Variants in DNAAF9 observed in about 807,000 individuals in gnomAD.
DNAAF9 encodes the protein dynein axonemal assembly factor 9, also known as shulin.
A neutral mutation model predicts 167.0 loss-of-function variants in DNAAF9; 90 were observed. That is an observed-to-expected ratio of 0.54 (90% CI 0.45 to 0.64). DNAAF9 has a LOEUF of 0.64. Among genes scored for constraint, DNAAF9 ranks in the 30% least tolerant of loss-of-function variants. DNAAF9 has a pLI of 0.00. For synonymous variants in DNAAF9, 491 were observed against 508.8 expected (o/e 0.96, Z 0.47); for missense variants, 1,315 against 1,442.2 (o/e 0.91, Z 1.43).
intron 27 of DNAAF9, 93 bp downstream of exon 27, chr20:3,287,539 G>C: frequency 8.2e-7 from 1 of 1,218,880 alleles, no homozygotes; most frequent in South Asian, 1.3e-5. Context: ...TGTAGAGTCT[G>C]TTCTGTGCTC....
chr20:3,270,865 T>G (rs930778546), intron 29 of DNAAF9, among the ~76,000 whole-genome samples: 1 of 150,310 alleles, frequency 6.7e-6, no homozygotes, highest in African/African-American at 2.5e-5. Flanking sequence ...CAGGCTGGAG[T>G]GCAGTGGTGC....
rs1415865793 is a variant in DNAAF9 at position 3,361,809 on chromosome 20, T to C, written c.613-2216A>G. 1.3e-5 allele frequency: 17 copies of C among 1,330,234 alleles called. No homozygotes were observed. The East Asian group carries it at 2.5e-4, about 20-fold the overall frequency. 82.4% of individuals were successfully genotyped at this position (1,330,234 alleles called of 1,614,324 possible). A position where few individuals can be genotyped will look rare whatever the true frequency, so the allele number is the denominator to read the frequency against. On this transcript the variant is annotated intron_variant, in intron 6 of 36. Transcript: ENST00000252032. ...TACAAGACATATCTAGAAAATTTAC[T>C]ACTGAAAAATGAAGACTGCTTAAAT...
At chr20:3,325,034 G>C in intron 13 of DNAAF9, 66 bp from the exon 14 acceptor site, 2 of 882,566 alleles carry the variant, frequency 2.3e-6, no homozygotes, top group South Asian at 1.3e-5. Flanking sequence ...ATCACTGATG[G>C]AAGGGCCCTC....
chr20:3,291,244 G>A (rs553275323), intron 25 of DNAAF9, among the ~76,000 whole-genome samples: 5 of 152,022 alleles, frequency 3.3e-5, no homozygotes, highest in African/African-American at 9.6e-5. Flanking sequence ...TAAATTCACT[G>A]AAAAAGGAGG....
intron 8 of DNAAF9, among the ~76,000 whole-genome samples, chr20:3,346,347 G>A (rs1600828765): frequency 6.6e-6 from 1 of 152,064 alleles, no homozygotes; most frequent in Non-Finnish European, 1.5e-5. Flanking sequence ...ACATACATAA[G>A]CGCTGAGTTA....
Position 3,252,458 on chromosome 20 carries a change from G to C in DNAAF9, c.*114C>G, listed in dbSNP as rs1223691428. The C allele has an allele frequency of 3.9e-5, 27 of 691,412 alleles. No individual in the cohort carries two copies. The Admixed American group carries it at 5.8e-4, about 15-fold the overall frequency. 42.8% of individuals were successfully genotyped at this position (691,412 alleles called of 1,614,324 possible). On this transcript the variant is annotated 3_prime_UTR_variant, in exon 37 of 37. Coordinates refer to ENST00000252032, the MANE Select transcript of DNAAF9 (RefSeq NM_001009984.3). ...ACTCAAGCCAGCCCACACAGGCCAA[G>C]GAGAACAAAGACAGCCCCTTAAGGG...
chr20:3,375,584 G>A (rs1337552439), intron 4 of DNAAF9, among the ~76,000 whole-genome samples: 1 of 152,190 alleles, frequency 6.6e-6, no homozygotes, highest in African/African-American at 2.4e-5. Flanking sequence ...AGGGAGCCAG[G>A]CATGGTGGCT....
chr20:3,405,914 TCAGA>T (rs961114074), intron 1 of DNAAF9, among the ~76,000 whole-genome samples: 2 of 152,216 alleles, frequency 1.3e-5, no homozygotes, highest in African/African-American at 2.4e-5. Context: ...ACTTTCTGCT[TCAGA>T]CAGTGAAACT....
At chr20:3,314,945 G>C (rs1388424831) in intron 20 of DNAAF9, 88 bp downstream of exon 20, 1 of 743,842 alleles carries the variant, frequency 1.3e-6, no homozygotes, top group Non-Finnish European at 2.4e-6. Flanking sequence ...TCAAATAGAA[G>C]ATGTATTATT....
At chr20:3,284,832 T>G (rs985028883) in intron 27 of DNAAF9, among the ~76,000 whole-genome samples, 2 of 152,200 alleles carry the variant, frequency 1.3e-5, no homozygotes, top group Non-Finnish European at 2.9e-5. Flanking sequence ...TTTTTTAAAA[T>G]TCAGATTTTT....
chr20:3,301,822 A>G (rs951371234), intron 21 of DNAAF9, among the ~76,000 whole-genome samples: 2 of 152,146 alleles, frequency 1.3e-5, no homozygotes, highest in Admixed American at 1.3e-4. Context: ...CAGTGTTTTC[A>G]TGTTAATAAA....
intron 27 of DNAAF9, among the ~76,000 whole-genome samples, chr20:3,286,487 A>T: frequency 6.6e-6 from 1 of 152,224 alleles, no homozygotes; most frequent in Non-Finnish European, 1.5e-5. Context: ...GGGGGCAGGC[A>T]GTAAAGGAGG....
Position 3,335,025 on chromosome 20 carries a change from G to A in DNAAF9, c.982-2664C>T, listed in dbSNP as rs147660371. Among the ~76,000 whole-genome samples, 5 of 152,290 alleles carry A rather than the reference G, an allele frequency of 3.3e-5. No individual in the cohort carries two copies. The East Asian group carries it at 9.6e-4, about 29-fold the overall frequency. ...TAATGAGTGAAAACTCTTTGGCTTT[G>A]GAGTGATACAGACCTGAGAGCAGAA... On this transcript the variant is annotated intron_variant, in intron 10 of 36. Coordinates refer to ENST00000252032, the MANE Select transcript of DNAAF9 (RefSeq NM_001009984.3).
intron 21 of DNAAF9, among the ~76,000 whole-genome samples, chr20:3,302,986 C>T (rs150533920): frequency 3.9e-5 from 6 of 152,266 alleles, no homozygotes; most frequent in Middle Eastern, 3.4e-3. Flanking sequence ...TGCCTGTAAT[C>T]CCAGCACTTT....
chr20:3,336,418 T>TC (rs953869272), intron 10 of DNAAF9, among the ~76,000 whole-genome samples: 1 of 151,932 alleles, frequency 6.6e-6, no homozygotes, highest in African/African-American at 2.4e-5. Context: ...TGTTCAGTTT[T>TC]TTTTTTCAGT....
At chr20:3,314,482 C>G (rs2069468823) in intron 20 of DNAAF9, among the ~76,000 whole-genome samples, 1 of 152,118 alleles carries the variant, frequency 6.6e-6, no homozygotes, top group African/African-American at 2.4e-5. Context: ...CTGACAGCCA[C>G]CAACAAAATG....
At chr20:3,304,387 A>G (rs1456375099) in intron 21 of DNAAF9, 53 bp downstream of exon 21, 1 of 835,922 alleles carries the variant, frequency 1.2e-6, no homozygotes, top group East Asian at 2.4e-5. Context: ...TTTCCCCTCA[A>G]AAGTGTGAGC....
rs935505504 is a variant in DNAAF9 at position 3,250,105 on chromosome 20, C to T, written c.*2467G>A. On this transcript the variant is annotated 3_prime_UTR_variant, in exon 37 of 37. Coordinates refer to ENST00000252032, the MANE Select transcript of DNAAF9 (RefSeq NM_001009984.3). ...AAGTTAGCAAAAAGCATGTAAGCCC[C>T]GGGAGGACTGCCTGTCCCTGGGAAC... The T allele has an allele frequency of 2.6e-5, 4 of 152,256 alleles. No homozygotes were observed. Among genetic ancestry groups the T allele is most frequent in the African/African-American group, 4.8e-5 (2 of 41,450 alleles). 9.4% of individuals were successfully genotyped at this position (152,256 alleles called of 1,614,324 possible).
chr20:3,307,967 T>TAAA (rs367851853), intron 20 of DNAAF9, among the ~76,000 whole-genome samples: 2,167 of 123,350 alleles, frequency 0.018, 32 homozygotes, highest in African/African-American at 0.031. Flanking sequence ...ACACAAGGTT[T>TAAA]AAAAAAAAAA....
Sources: allele counts gnomAD v4.1 joint callset (sites outside exome capture counted in the v4.1 genomes callset), GRCh38; gene constraint gnomAD v4.1.1; transcripts MANE v1.5; gene names NCBI Gene and HGNC (gene_info 2026-07-23, HGNC 2026-07-21).